Variants in CCDC7 observed in about 807,000 individuals in gnomAD.
CCDC7 encodes coiled-coil domain containing 7.
A neutral mutation model predicts 196.9 loss-of-function variants in CCDC7; 183 were observed. That is an observed-to-expected ratio of 0.93 (90% CI 0.82 to 1.05). CCDC7 has a LOEUF of 1.05. Ranked by LOEUF, CCDC7 falls within the 50% of genes least tolerant of loss-of-function variation. The pLI, the probability that CCDC7 is intolerant of heterozygous loss-of-function variation, is 0.00. For missense variants in CCDC7, 1,540 were observed against 1,482.2 expected (o/e 1.04, Z -0.64); for synonymous variants, 525 against 484.6 (o/e 1.08, Z -1.10).
intron 25 of CCDC7, among the ~76,000 whole-genome samples, chr10:32,714,531 T>C (rs1384081735): frequency 6.6e-6 from 1 of 152,102 alleles, no homozygotes; most frequent in Non-Finnish European, 1.5e-5. Context: ...CAGTGGCACA[T>C]GGAATGCCAG....
In CCDC7 at chr10:32,728,460, G is replaced by C. The variant is rs1006020163; in HGVS notation, c.2669-427G>C. On this transcript the variant is annotated intron_variant, in intron 26 of 41. Coordinates refer to ENST00000639629, the Ensembl canonical transcript of CCDC7. The stretch of plus-strand genomic sequence containing the variant: ...TGTAATTAATATCATACCATTGTTT[G>C]TGGTATATATATCTGTTCATTTGAC... Among the ~76,000 whole-genome samples, 9 of 152,054 alleles carry C rather than the reference G, an allele frequency of 5.9e-5. No homozygotes were observed. The East Asian group carries it at 1.7e-3, about 29-fold the overall frequency.
chr10:32,527,724 C>A (rs2048893188), intron 11 of CCDC7, among the ~76,000 whole-genome samples: 3 of 152,020 alleles, frequency 2.0e-5, no homozygotes, highest in African/African-American at 7.2e-5. Flanking sequence ...TTGTTATATC[C>A]ACACAAGGGT....
chr10:32,775,866 G>T (rs2134186437), intron 28 of CCDC7, among the ~76,000 whole-genome samples: 1 of 151,596 alleles, frequency 6.6e-6, no homozygotes, highest in Non-Finnish European at 1.5e-5. Flanking sequence ...CAATAGCAAA[G>T]ACTTGGAACC....
At chr10:32,741,947 T>C (rs2085928127) in intron 28 of CCDC7, among the ~76,000 whole-genome samples, 1 of 152,160 alleles carries the variant, frequency 6.6e-6, no homozygotes, top group Non-Finnish European at 1.5e-5. Flanking sequence ...CATTTCTAGT[T>C]AGGTTTTTTG....
At chr10:32,486,444 T>G (rs2041108013) in intron 8 of CCDC7, among the ~76,000 whole-genome samples, 1 of 151,486 alleles carries the variant, frequency 6.6e-6, no homozygotes, top group African/African-American at 2.4e-5. Flanking sequence ...GTCTTGAGTC[T>G]TTATCCAATT....
chr10:32,871,414 G>A (rs2094426563), intron 41 of CCDC7, among the ~76,000 whole-genome samples: 1 of 151,970 alleles, frequency 6.6e-6, no homozygotes, highest in Non-Finnish European at 1.5e-5. Context: ...TTCTCTGATG[G>A]TAGTTTGTAT....
intron 28 of CCDC7, among the ~76,000 whole-genome samples, chr10:32,732,419 A>G (rs2084138909): frequency 6.6e-6 from 1 of 152,164 alleles, no homozygotes; most frequent in Non-Finnish European, 1.5e-5. Flanking sequence ...ATATTCATGT[A>G]TATTCTCCAT....
chr10:32,824,122 C>T (rs1476941379), intron 31 of CCDC7, among the ~76,000 whole-genome samples: 2 of 151,962 alleles, frequency 1.3e-5, no homozygotes, highest in East Asian at 3.9e-4. Context: ...AGATATACCC[C>T]TACAACATAT....
At chr10:32,558,705 G>A (rs1163721099) in intron 13 of CCDC7, among the ~76,000 whole-genome samples, 1 of 152,188 alleles carries the variant, frequency 6.6e-6, no homozygotes, top group East Asian at 1.9e-4. Context: ...GGCCGAATAG[G>A]AACAGCTCCG....
chr10:32,653,898 A>T (rs563311778), intron 20 of CCDC7, among the ~76,000 whole-genome samples: 168 of 152,306 alleles, frequency 1.1e-3, no homozygotes, highest in African/African-American at 3.9e-3. Context: ...TTCACTATTT[A>T]TTAAAAAAGT....
At chr10:32,547,138 C>CT (rs1274860053) in intron 13 of CCDC7, among the ~76,000 whole-genome samples, 1 of 152,160 alleles carries the variant, frequency 6.6e-6, no homozygotes, top group African/African-American at 2.4e-5. Flanking sequence ...CCGCCTCACC[C>CT]TCCCAGGTAT....
chr10:32,567,262 A>G (rs1456855092), intron 14 of CCDC7, among the ~76,000 whole-genome samples: 1 of 151,244 alleles, frequency 6.6e-6, no homozygotes, highest in Non-Finnish European at 1.5e-5. Flanking sequence ...TTTTAAGGAG[A>G]CTTTTATTCC....
At chr10:32,698,802 T>G (rs961233989) in intron 24 of CCDC7, among the ~76,000 whole-genome samples, 1 of 152,216 alleles carries the variant, frequency 6.6e-6, no homozygotes, top group Non-Finnish European at 1.5e-5. Flanking sequence ...GAAGGAGAAC[T>G]TCCCCAACCT....
At position 32,462,730 on chromosome 10, in the gene CCDC7, C is replaced by A. The variant is rs764381303; in HGVS notation, c.477+27C>A. The A allele has an allele frequency of 9.6e-6, 14 of 1,452,698 alleles. No homozygotes were observed. The South Asian group carries it at 1.8e-4, about 19-fold the overall frequency. 90.0% of individuals were successfully genotyped at this position (1,452,698 alleles called of 1,614,324 possible). On this transcript the variant is annotated intron_variant, in intron 4 of 41. Coordinates refer to ENST00000639629, the Ensembl canonical transcript of CCDC7. Reference sequence around the variant, plus strand: ...TACGTTCAATATATTACAGCTTAAGCCTACTAAAACTTAACACAGAAATAC... The same window carrying A: ...TACGTTCAATATATTACAGCTTAAGACTACTAAAACTTAACACAGAAATAC...
intron 21 of CCDC7, among the ~76,000 whole-genome samples, chr10:32,685,268 G>A (rs2141124460): frequency 6.7e-6 from 1 of 149,292 alleles, no homozygotes; most frequent in African/African-American, 2.5e-5. Context: ...AGTTTATAGA[G>A]ATTTTTTAAA....
intron 5 of CCDC7, among the ~76,000 whole-genome samples, chr10:32,464,970 T>C (rs1164965458): frequency 1.3e-5 from 2 of 152,220 alleles, no homozygotes; most frequent in African/African-American, 4.8e-5. Flanking sequence ...TTAGCCTGTT[T>C]TTAAAAAAAT....
Position 32,729,323 on chromosome 10 carries a change from T to C in CCDC7, c.2780-9T>C. Reference sequence around the variant, plus strand: ...AAGTTCTATTGCACATCTATTTTTTTCTATTTAGCGTTTCCTTTAGAAATC... The same window carrying C: ...AAGTTCTATTGCACATCTATTTTTTCCTATTTAGCGTTTCCTTTAGAAATC... On this transcript the variant is annotated splice_polypyrimidine_tract_variant and intron_variant, in intron 27 of 41. Transcript: ENST00000639629. 11 of 1,550,612 alleles carry C rather than the reference T, an allele frequency of 7.1e-6. No homozygotes were observed. Among genetic ancestry groups the C allele is most frequent in the Non-Finnish European group, 9.6e-6 (11 of 1,150,732 alleles).
In CCDC7 at chr10:32,633,207, G is replaced by A. The variant is rs576255214; in HGVS notation, c.1802-1047G>A. ...ACACAGGGCTCCTCAGTTTGCGCGC[G>A]TGCACGCACACACACACACACACAC... is the stretch of plus-strand genomic sequence containing the variant. On this transcript the variant is annotated intron_variant, in intron 18 of 41. Transcript: ENST00000639629. 2.6e-3 allele frequency among the ~76,000 whole-genome samples: 141 copies of A among 53,734 alleles called. 1 individual carries two copies. The highest frequency in any genetic ancestry group is 0.01 in the African/African-American group (125 of 12,266). The allele number at this position is 53,734 out of a possible 152,430, so 35.3% of individuals were successfully genotyped here.
chr10:32,696,780 T>C (rs1443281184), intron 24 of CCDC7, among the ~76,000 whole-genome samples: 1 of 152,202 alleles, frequency 6.6e-6, no homozygotes, highest in Non-Finnish European at 1.5e-5. Flanking sequence ...CCAATGACTA[T>C]TTTTATGTTG....
Sources: allele counts gnomAD v4.1 joint callset (sites outside exome capture counted in the v4.1 genomes callset), GRCh38; gene constraint gnomAD v4.1.1; transcripts MANE v1.5; gene names NCBI Gene and HGNC (gene_info 2026-07-23, HGNC 2026-07-21).